The following TENM2 variants were observed in gnomAD, a reference collection of about 807,000 sequenced individuals.
The protein encoded by TENM2 is teneurin transmembrane protein 2, also known as teneurin-2.
TENM2 carries 52 observed loss-of-function variants against 245.2 expected under a neutral mutation model. The observed-to-expected ratio is 0.21, with a 90% CI of 0.17 to 0.27. TENM2 has a LOEUF of 0.27. Among genes scored for constraint, TENM2 ranks in the 10% least tolerant of loss-of-function variants. The pLI is 1.00. For missense variants in TENM2, 3,046 were observed against 3,666.8 expected, an observed-to-expected ratio of 0.83 and a Z score of 4.37; for synonymous variants, 1,363 against 1,438.9, an observed-to-expected ratio of 0.95 and a Z score of 1.19.
intron 2 of TENM2, among the ~76,000 whole-genome samples, chr5:167,447,368 T>G (rs4538630): frequency 0.99 from 150,456 of 152,362 alleles, 74,315 homozygotes; most frequent in Middle Eastern, 1. Flanking sequence ...TATTTAAATA[T>G]GTTAAAAGTA....
chr5:166,979,972 T>C, the TENM2 span, among the ~76,000 whole-genome samples: 2 of 152,230 alleles, frequency 1.3e-5, no homozygotes, highest in Admixed American at 6.5e-5. Context: ...GCATGAGAGA[T>C]GCCAGTGATT....
chr5:167,348,445 CGCTTATCCTGGCGACA>C (rs1166989862), intron 1 of TENM2, among the ~76,000 whole-genome samples: 1 of 152,114 alleles, frequency 6.6e-6, no homozygotes, highest in African/African-American at 2.4e-5. Flanking sequence ...CTCCAAGGGG[CGCTTATCCTGGCGACA>C]GCTTGCTTAG....
chr5:167,754,201 G>T (rs867165639), intron 2 of TENM2, among the ~76,000 whole-genome samples: 2 of 152,170 alleles, frequency 1.3e-5, no homozygotes, highest in African/African-American at 4.8e-5. Flanking sequence ...TTGTGTGAGT[G>T]TTGGAGAGAG....
chr5:167,394,583 TTTAGTTAG>T, intron 2 of TENM2, among the ~76,000 whole-genome samples: 1 of 152,162 alleles, frequency 6.6e-6, no homozygotes, highest in East Asian at 1.9e-4. Flanking sequence ...TATGTATTTA[TTTAGTTAG>T]TTAGTTAGTT....
Position 167,747,702 on chromosome 5 carries a change from T to C in TENM2, c.503-128284T>C, listed in dbSNP as rs1454001627. 3.3e-5 allele frequency among the ~76,000 whole-genome samples: 5 copies of C among 152,306 alleles called. No homozygotes were observed. In the East Asian group the frequency reaches 9.7e-4, roughly 29 times the overall value. ...CTAAGGACTGAATTTGCTTTTTCTG[T>C]TACTTGCCATAAATTTGGTCTTCAT... On this transcript the variant is annotated intron_variant, in intron 2 of 28. Transcript: ENST00000518659.
the TENM2 span, among the ~76,000 whole-genome samples, chr5:167,074,038 A>G: frequency 6.6e-6 from 1 of 152,168 alleles, no homozygotes; most frequent in African/African-American, 2.4e-5. Flanking sequence ...CTTTTTACAG[A>G]TCAAATTCTG....
the TENM2 span, among the ~76,000 whole-genome samples, chr5:166,979,191 CCACCAG>C: frequency 0.043 from 3,654 of 85,116 alleles, 62 homozygotes; most frequent in African/African-American, 0.14. Context: ...AGCAGCACCA[CCACCAG>C]CAGCAGCAGC....
At chr5:168,034,123 A>ATATATATGTATACATATATATGTG (rs1787420885) in intron 5 of TENM2, among the ~76,000 whole-genome samples, 8 of 73,712 alleles carry the variant, frequency 1.1e-4, no homozygotes, top group African/African-American at 2.9e-4. Flanking sequence ...ATATATGTGT[A>ATATATATGTATACATATATATGTG]TATATATATA....
At chr5:167,259,783 C>A in the TENM2 span, among the ~76,000 whole-genome samples, 2 of 151,934 alleles carry the variant, frequency 1.3e-5, no homozygotes, top group Non-Finnish European at 2.9e-5. Context: ...CAAAAAAATT[C>A]TAATAAATAG....
chr5:167,255,282 C>CT, the TENM2 span, among the ~76,000 whole-genome samples: 1 of 152,016 alleles, frequency 6.6e-6, no homozygotes. Context: ...GTTGTAATGT[C>CT]TTTTACATGC....
chr5:167,787,626 C>T (rs112744575), intron 2 of TENM2, among the ~76,000 whole-genome samples: 2,963 of 152,298 alleles, frequency 0.019, 105 homozygotes, highest in African/African-American at 0.067. Flanking sequence ...CCAACAAACA[C>T]CCTGTCACTG....
intron 4 of TENM2, among the ~76,000 whole-genome samples, chr5:167,990,240 T>C (rs10516039): frequency 0.16 from 23,734 of 152,144 alleles, 2,065 homozygotes; most frequent in East Asian, 0.27. Context: ...AGCAGACTAT[T>C]ATTTAGTGAC....
At chr5:166,987,740 C>T in the TENM2 span, among the ~76,000 whole-genome samples, 1 of 152,076 alleles carries the variant, frequency 6.6e-6, no homozygotes, top group Admixed American at 6.5e-5. Flanking sequence ...AGATAAATGA[C>T]TCCATGCCCC....
intron 2 of TENM2, among the ~76,000 whole-genome samples, chr5:167,537,387 A>G (rs986997186): frequency 6.6e-6 from 1 of 152,232 alleles, no homozygotes; most frequent in Non-Finnish European, 1.5e-5. Flanking sequence ...CGTAGTGACA[A>G]TAATCTCATC....
At chr5:167,930,759 ATTT>A (rs564465023) in intron 3 of TENM2, among the ~76,000 whole-genome samples, 5 of 145,790 alleles carry the variant, frequency 3.4e-5, no homozygotes, top group South Asian at 2.2e-4. Context: ...AAAGAAGAGA[ATTT>A]TTTTTTTTTA....
chr5:167,258,295 C>T, the TENM2 span, among the ~76,000 whole-genome samples: 2 of 149,146 alleles, frequency 1.3e-5, no homozygotes, highest in Non-Finnish European at 3.0e-5. Flanking sequence ...TGTTCAGTTG[C>T]AAGTAAAAGA....
chr5:167,327,751 A>G (rs560583337), intron 1 of TENM2, among the ~76,000 whole-genome samples: 1 of 152,304 alleles, frequency 6.6e-6, no homozygotes, highest in East Asian at 1.9e-4. Context: ...ATGTGTCATA[A>G]AGACAGAGAC....
At chr5:168,251,760 C>T (rs539946383) in intron 27 of TENM2, among the ~76,000 whole-genome samples, 1 of 152,310 alleles carries the variant, frequency 6.6e-6, no homozygotes, top group South Asian at 2.1e-4. Flanking sequence ...CTCCAGTACC[C>T]AGTAGCAGCA....
intron 5 of TENM2, among the ~76,000 whole-genome samples, chr5:168,030,133 C>G (rs1429093019): frequency 8.2e-6 from 1 of 121,988 alleles, no homozygotes; most frequent in African/African-American, 3.1e-5. Flanking sequence ...TACCATGTTA[C>G]TTTGGCCCAA....
Sources: gnomAD v4.1 joint callset for allele counts (sites outside exome capture counted in the v4.1 genomes callset) on GRCh38, gnomAD v4.1.1 for gene constraint, MANE v1.5 for transcripts, NCBI Gene and HGNC (gene_info 2026-07-23, HGNC 2026-07-21) for gene names.